Variants in PIWIL2 observed in about 807,000 individuals in gnomAD.
PIWIL2 encodes piwi like RNA-mediated gene silencing 2.
In PIWIL2, 81 loss-of-function variants were observed where a neutral mutation model predicts 116.5. The observed-to-expected ratio is 0.70, with a 90% confidence interval of 0.58 to 0.84. The LOEUF is 0.84. Among genes scored for constraint, PIWIL2 ranks in the 40% least tolerant of loss-of-function variants. PIWIL2 has a pLI of 0.00. For missense variants in PIWIL2, 1,272 were observed against 1,212.3 expected, an observed-to-expected ratio of 1.05 and a Z score of -0.73; for synonymous variants, 489 against 429.5, an observed-to-expected ratio of 1.14 and a Z score of -1.71.
At chr8:22,324,307 C>T (rs1203079348) in intron 20 of PIWIL2, among the ~76,000 whole-genome samples, 2 of 152,120 alleles carry the variant, frequency 1.3e-5, no homozygotes, top group East Asian at 3.8e-4. Context: ...ACCATTTATT[C>T]TTTCCCTAAT....
intron 20 of PIWIL2, among the ~76,000 whole-genome samples, chr8:22,325,545 G>A (rs1485450321): frequency 7.5e-6 from 1 of 134,194 alleles, no homozygotes; most frequent in African/African-American, 2.7e-5. Context: ...GTGCAGAGAC[G>A]TGATCTCCAT....
intron 13 of PIWIL2, among the ~76,000 whole-genome samples, 185 bp downstream of exon 13, chr8:22,306,201 C>G (rs554734575): frequency 6.6e-6 from 1 of 152,338 alleles, no homozygotes; most frequent in African/African-American, 2.4e-5. Flanking sequence ...CCTTCCCACA[C>G]ACGATGTGAA....
chr8:22,281,312 A>T, intron 3 of PIWIL2, 65 bp from the exon 4 acceptor site: 2 of 1,569,358 alleles, frequency 1.3e-6, no homozygotes, highest in Non-Finnish European at 1.7e-6. Flanking sequence ...TTTTTAAAAA[A>T]AAAAACTATA....
Position 22,346,224 on chromosome 8 carries a change from T to C in PIWIL2, c.2404-6735T>C, listed in dbSNP as rs563200353. On this transcript the variant is annotated intron_variant, in intron 20 of 22. Coordinates refer to ENST00000356766, the MANE Select transcript of PIWIL2 (RefSeq NM_018068.5). The stretch of plus-strand genomic sequence containing the variant: ...GGGCAACGCAGTGAGACCTTGTCTC[T>C]AAAAATAATAATAGTAAAGTAAATA... 4.0e-4 allele frequency among the ~76,000 whole-genome samples: 61 copies of C among 152,236 alleles called. No homozygotes were observed. The East Asian group carries it at 6.0e-3, about 15-fold the overall frequency.
chr8:22,286,225 G>A (rs1172863106), intron 6 of PIWIL2, among the ~76,000 whole-genome samples: 4 of 152,032 alleles, frequency 2.6e-5, no homozygotes, highest in Non-Finnish European at 2.9e-5. Context: ...TACAGTTGTA[G>A]AGAAAAAAAA....
In PIWIL2 at chr8:22,282,544, A is replaced by T. The variant is rs138036707; in HGVS notation, c.426-490A>T. On this transcript the variant is annotated intron_variant, in intron 4 of 22. Transcript: ENST00000356766. ...TTTCTCCTCTATTCTGCTATGGAAG[A>T]TGGCTCTGACAGTCAATAGCAGTTG... is the stretch of plus-strand genomic sequence containing the variant. Among the ~76,000 whole-genome samples the T allele has an allele frequency of 3.3e-3, 495 of 151,694 alleles. 5 individuals are homozygous for T. The highest frequency in any genetic ancestry group is 0.01 in the Middle Eastern group (3 of 288).
intron 20 of PIWIL2, among the ~76,000 whole-genome samples, chr8:22,318,789 G>T (rs1831528171): frequency 6.6e-6 from 1 of 152,200 alleles, no homozygotes. Flanking sequence ...AGAGCTAAAT[G>T]CTTTCATTTG....
chr8:22,284,157 T>C lies in PIWIL2; in HGVS notation c.633-5T>C, dbSNP rs758062117. 6.5e-7 allele frequency: 1 copy of C among 1,538,100 alleles called. No individual in the cohort carries two copies. The highest frequency in any genetic ancestry group is 8.8e-7 in the Non-Finnish European group (1 of 1,136,796). On this transcript the variant is annotated splice_polypyrimidine_tract_variant and splice_region_variant and intron_variant, in intron 5 of 22. Coordinates refer to ENST00000356766, the MANE Select transcript of PIWIL2 (RefSeq NM_018068.5). ...ATGCAGTTGCTTTTTGTTTTTATTT[T>C]CTAGAGAGCTTATTGTGAAGCAAGG...
intron 20 of PIWIL2, among the ~76,000 whole-genome samples, chr8:22,327,990 A>G (rs1264420700): frequency 6.6e-6 from 1 of 151,774 alleles, no homozygotes; most frequent in African/African-American, 2.4e-5. Flanking sequence ...TTTGTTCCTT[A>G]TGGTTTTGGT....
intron 10 of PIWIL2, among the ~76,000 whole-genome samples, chr8:22,293,450 C>T (rs1273232551): frequency 1.3e-5 from 2 of 152,106 alleles, no homozygotes; most frequent in Non-Finnish European, 2.9e-5. Flanking sequence ...AGTGATTCTC[C>T]TGCCTCAGGC....
At chr8:22,291,353 G>A (rs932831254) in intron 10 of PIWIL2, among the ~76,000 whole-genome samples, 8 of 151,992 alleles carry the variant, frequency 5.3e-5, no homozygotes, top group African/African-American at 1.7e-4. Flanking sequence ...GTTTCACCAT[G>A]TTTCCCAGGC....
At chr8:22,280,008 A>AG (rs1282238195) in intron 2 of PIWIL2, among the ~76,000 whole-genome samples, 2 of 152,170 alleles carry the variant, frequency 1.3e-5, no homozygotes, top group African/African-American at 4.8e-5. Context: ...AACAGAAACA[A>AG]GGTTGTCTTT....
intron 20 of PIWIL2, among the ~76,000 whole-genome samples, chr8:22,322,760 C>T (rs1039193103): frequency 6.6e-5 from 10 of 151,000 alleles, no homozygotes; most frequent in Admixed American, 1.3e-4. Flanking sequence ...AGGCTTGTCT[C>T]GAACTCCTGA....
rs1330338089 is a variant in PIWIL2, at chr8:22,283,236, G to A, written c.628G>A (p.Glu210Lys). 1.9e-6 allele frequency: 3 copies of A among 1,612,060 alleles called. No individual in the cohort carries two copies. The African/African-American group carries it at 4.0e-5, about 22-fold the overall frequency. Reference sequence around the variant, plus strand: ...TCTGGTCCTGACTGTGGAACACAAGGAAAAGTAAGTCAGGAGCACTGCCTT... The same window carrying A: ...TCTGGTCCTGACTGTGGAACACAAGAAAAAGTAAGTCAGGAGCACTGCCTT... ...RPLVLTVEHK[E>K]KELIVKQGSK... Residue 210 changes from glutamate (E) to lysine (K), a missense_variant, in exon 5 of 23, where the codon GAA (glutamate) becomes AAA (lysine). Transcript: ENST00000356766.
At position 22,356,411 on chromosome 8, in the gene PIWIL2, G is replaced by T. The variant is rs1014060912; in HGVS notation, c.*906G>T. On this transcript the variant is annotated 3_prime_UTR_variant, in exon 23 of 23. Transcript: ENST00000356766. ...TTGGATTCGAAAATGGCTTCCCTTG[G>T]CCTCTTGAAAGAGTGCAGATGAAGC... 6.6e-6 allele frequency: 1 copy of T among 152,182 alleles called. No individual in the cohort carries two copies. Among genetic ancestry groups the T allele is most frequent in the Admixed American group, 6.5e-5 (1 of 15,280 alleles). The allele number at this position is 152,182 out of a possible 1,614,324, so 9.4% of individuals were successfully genotyped here.
intron 18 of PIWIL2, among the ~76,000 whole-genome samples, chr8:22,315,892 A>T (rs1831446711): frequency 6.6e-6 from 1 of 152,140 alleles, no homozygotes; most frequent in Non-Finnish European, 1.5e-5. Flanking sequence ...CAAATTCAAA[A>T]ATCTGCAATC....
At chr8:22,347,873 G>A (rs1024011940) in intron 20 of PIWIL2, among the ~76,000 whole-genome samples, 4 of 151,926 alleles carry the variant, frequency 2.6e-5, no homozygotes, top group African/African-American at 9.7e-5. Context: ...CCTCCAGGGA[G>A]CAAATCTCTT....
At chr8:22,330,820 C>T (rs1243788061) in intron 20 of PIWIL2, among the ~76,000 whole-genome samples, 1 of 151,992 alleles carries the variant, frequency 6.6e-6, no homozygotes, top group Non-Finnish European at 1.5e-5. Flanking sequence ...CTTTTTTTCC[C>T]CATGCATACG....
intron 1 of PIWIL2, among the ~76,000 whole-genome samples, chr8:22,276,978 C>A (rs1484926399): frequency 1.3e-5 from 2 of 151,832 alleles, no homozygotes; most frequent in Admixed American, 6.6e-5. Context: ...TGAGAGGAGC[C>A]CCTTAAAGAG....
Sources: gnomAD v4.1 joint callset for allele counts (sites outside exome capture counted in the v4.1 genomes callset) on GRCh38, gnomAD v4.1.1 for gene constraint, MANE v1.5 for transcripts, NCBI Gene and HGNC (gene_info 2026-07-23, HGNC 2026-07-21) for gene names.